HMCN2: variants seen among roughly 807,000 people sequenced by gnomAD.
The protein encoded by HMCN2 is hemicentin 2.
A neutral mutation model predicts 377.5 loss-of-function variants in HMCN2; 325 were observed. The ratio of observed to expected loss-of-function variants is 0.86; its 90% confidence interval spans 0.79 to 0.94. HMCN2 has a LOEUF of 0.94. Among genes scored for constraint, HMCN2 ranks in the 40% least tolerant of loss-of-function variants. The pLI is 0.00. For missense variants in HMCN2, 4,543 were observed against 4,725.3 expected (o/e 0.96, Z 1.13); for synonymous variants, 2,007 against 2,046.8 (o/e 0.98, Z 0.53).
intron 96 of HMCN2, among the ~76,000 whole-genome samples, chr9:130,431,920 GCA>G (rs1483870404): frequency 2.6e-5 from 4 of 152,228 alleles, no homozygotes; most frequent in Non-Finnish European, 4.4e-5. Flanking sequence ...CCCAAACCGG[GCA>G]CAGTTTCCCT....
rs1383412984 is a variant in HMCN2, at chr9:130,296,774, C to T, written c.992C>T (p.Thr331Ile). 1 of 471,242 alleles carries T rather than the reference C, an allele frequency of 2.1e-6. No individual in the cohort carries two copies. Among genetic ancestry groups the T allele is most frequent in the African/African-American group, 2.0e-5 (1 of 50,192 alleles). 29.2% of individuals were successfully genotyped at this position (471,242 alleles called of 1,614,324 possible). A position where few individuals can be genotyped will look rare whatever the true frequency, so the allele number is the denominator to read the frequency against. Residue 331 changes from threonine to isoleucine, a missense_variant, in exon 7 of 98, where the codon ACC (threonine) becomes ATC (isoleucine). Physicochemically the swap from Thr to Ile is moderately conservative, Grantham distance 89. Coordinates refer to ENST00000683500, the MANE Select transcript of HMCN2 (RefSeq NM_001291815.2). The part of the protein sequence containing the change: ...STQPLLDLNH[T>I]LEWPLQGVPI... Reference sequence around the variant, plus strand: ...CAGCCCTTGCTGGACCTCAACCACACCCTCGAGTGGCCCTTGCAAGGTACA... The same window carrying T: ...CAGCCCTTGCTGGACCTCAACCACATCCTCGAGTGGCCCTTGCAAGGTACA...
At chr9:130,331,211 G>A (rs1002453253) in intron 22 of HMCN2, among the ~76,000 whole-genome samples, 25 of 151,354 alleles carry the variant, frequency 1.7e-4, no homozygotes, top group Non-Finnish European at 2.6e-4. Context: ...TCCCATCATC[G>A]CTAAGTCATT....
At chr9:130,280,147 TG>T (rs1470439165) in intron 1 of HMCN2, among the ~76,000 whole-genome samples, 4 of 104,544 alleles carry the variant, frequency 3.8e-5, no homozygotes, top group African/African-American at 9.8e-5. Flanking sequence ...TGTGTGTGTG[TG>T]TGTTTTTTTT....
intron 93 of HMCN2, 25 bp from the exon 94 acceptor site, chr9:130,429,532 C>T: frequency 1.9e-6 from 3 of 1,550,068 alleles, no homozygotes; most frequent in Non-Finnish European, 2.6e-6. Context: ...ACCTCCCCAC[C>T]ACCGACCATG....
At chr9:130,383,267 T>TGG (rs11404994) in intron 56 of HMCN2, among the ~76,000 whole-genome samples, 332 of 151,594 alleles carry the variant, frequency 2.2e-3, no homozygotes, top group Admixed American at 5.8e-3. Context: ...TCCACAGGGG[T>TGG]GGGGGAGGCT....
chr9:130,428,376 G>C lies in HMCN2; in HGVS notation c.14084G>C (p.Trp4695Ser), dbSNP rs764219337. Residue 4695 changes from tryptophan to serine, a missense_variant, in exon 93 of 98, where the codon TGG (tryptophan) becomes TCG (serine). Coordinates refer to ENST00000683500, the MANE Select transcript of HMCN2 (RefSeq NM_001291815.2). This position sits in a 1 kb window ranked among gnomAD's most constrained non-coding sequence, Gnocchi z 5.0. Reference sequence around the variant, plus strand: ...CCCCCAGATGTGGACGAGTGTGCGTGGGATGCTCACCTCTGCCGAGAGGGA... The same window carrying C: ...CCCCCAGATGTGGACGAGTGTGCGTCGGATGCTCACCTCTGCCGAGAGGGA... ...RNCRDVDECA[W>S]DAHLCREGQR... The C allele has an allele frequency of 7.7e-5, 119 of 1,547,704 alleles. 1 individual carries two copies. The Middle Eastern group carries it at 1.3e-3, about 17-fold the overall frequency.
Position 130,358,474 on chromosome 9 carries a change from C to T in HMCN2, c.5665C>T (p.Leu1889=), listed in dbSNP as rs755635831. ...TGGGGAGAGCAAGAGGGAAGTGGCG[C>T]TGAAAGTTTTGGGTGAGGACGTGGG... The part of the protein sequence containing the change: ...LAGESKREVA[L]KVLVPPNIEP... The change falls in exon 36 of 98, where the codon CTG becomes TTG. Residue 1889 remains leucine, a synonymous_variant. Transcript: ENST00000683500. The T allele has an allele frequency of 4.1e-5, 54 of 1,304,222 alleles. No homozygotes were observed. The highest frequency in any genetic ancestry group is 5.2e-5 in the Non-Finnish European group (51 of 988,970). The allele number at this position is 1,304,222 out of a possible 1,614,324, so 80.8% of individuals were successfully genotyped here.
At position 130,278,045 on chromosome 9, in the gene HMCN2, T is replaced by C. The variant is rs1165829848; in HGVS notation, c.260-6558T>C. On this transcript the variant is annotated intron_variant, in intron 1 of 97. Coordinates refer to ENST00000683500, the MANE Select transcript of HMCN2 (RefSeq NM_001291815.2). ...ACCACCACGATCATCACCACCACCA[T>C]CATCATTACCACCACCACCACCACC... Among the ~76,000 whole-genome samples the C allele has an allele frequency of 7.5e-5, 9 of 120,056 alleles. 1 individual carries two copies. The highest frequency in any genetic ancestry group is 2.6e-4 in the East Asian group (1 of 3,812). 78.8% of individuals were successfully genotyped at this position (120,056 alleles called of 152,430 possible).
At position 130,278,006 on chromosome 9, in the gene HMCN2, C is replaced by T. The variant is rs797033382; in HGVS notation, c.260-6597C>T. On this transcript the variant is annotated intron_variant, in intron 1 of 97. Coordinates refer to ENST00000683500, the MANE Select transcript of HMCN2 (RefSeq NM_001291815.2). ...ACCACCACGATCATCACCACCACCA[C>T]CATCATCATCACCACCACCACGATC... Among the ~76,000 whole-genome samples the T allele has an allele frequency of 5.3e-3, 205 of 38,698 alleles. 30 individuals are homozygous for T. The highest frequency in any genetic ancestry group is 0.044 in the African/African-American group (188 of 4,296). The allele number at this position is 38,698 out of a possible 152,430, so 25.4% of individuals were successfully genotyped here. A position where few individuals can be genotyped will look rare whatever the true frequency, so the allele number is the denominator to read the frequency against.
intron 41 of HMCN2, 77 bp downstream of exon 41, chr9:130,364,966 T>C (rs1840614835): frequency 2.3e-5 from 20 of 851,682 alleles, no homozygotes; most frequent in Non-Finnish European, 2.8e-5. Flanking sequence ...GTGCCCCAGC[T>C]CAGTGACCTG....
intron 54 of HMCN2, among the ~76,000 whole-genome samples, chr9:130,380,520 C>T (rs1841652968): frequency 6.6e-6 from 1 of 152,128 alleles, no homozygotes; most frequent in Admixed American, 6.5e-5. Flanking sequence ...GGCGCCGTGG[C>T]TCACACCTGT....
At position 130,351,398 on chromosome 9, in the gene HMCN2, G is replaced by A. The variant is rs74323913; in HGVS notation, c.4431-25G>A. The A allele has an allele frequency of 0.076, 97,606 of 1,290,688 alleles. 4,430 individuals are homozygous for A. Among genetic ancestry groups the A allele is most frequent in the East Asian group, 0.31 (5,410 of 17,588 alleles). 80.0% of individuals were successfully genotyped at this position (1,290,688 alleles called of 1,614,324 possible). On this transcript the variant is annotated intron_variant, in intron 29 of 97. Coordinates refer to ENST00000683500, the MANE Select transcript of HMCN2 (RefSeq NM_001291815.2). This position sits in a 1 kb window ranked among gnomAD's most constrained non-coding sequence, Gnocchi z 5.4. ...CATCCAGCCCCTCGGCCTTACTGGCGCTTTTCCCTTGCCCGTCTCTCCAGG... is the reference window on the plus strand; with the variant it reads ...CATCCAGCCCCTCGGCCTTACTGGCACTTTTCCCTTGCCCGTCTCTCCAGG...
Position 130,391,350 on chromosome 9 carries a change from G to A in HMCN2, c.9814G>A (p.Gly3272Ser), listed in dbSNP as rs1158429564. 5 of 987,576 alleles carry A rather than the reference G, an allele frequency of 5.1e-6. No individual in the cohort carries two copies. The African/African-American group carries it at 8.7e-5, about 17-fold the overall frequency. The allele number at this position is 987,576 out of a possible 1,614,324, so 61.2% of individuals were successfully genotyped here. The change falls in exon 64 of 98, where the codon GGC (glycine) becomes AGC (serine). Residue 3272 changes from glycine (G) to serine (S), a missense_variant. Transcript: ENST00000683500. ...KDGSPLGQDM[G>S]PHLRFYLDGG... ...CGGCAGCCCGCTGGGCCAGGACATGGGCCCCCACCTCCGGTAAGACTTGGC... is the reference window on the plus strand; with the variant it reads ...CGGCAGCCCGCTGGGCCAGGACATGAGCCCCCACCTCCGGTAAGACTTGGC...
At position 130,428,431 on chromosome 9, in the gene HMCN2, C is replaced by T. The variant is rs947060810; in HGVS notation, c.14139C>T (p.Tyr4713=). ...GQRCVNLLGS[Y]RCLPDCGPGF... ...GCTGTGTGAACCTGCTCGGGTCCTA[C>T]CGCTGCCTCCCCGACTGTGGGCCTG... Residue 4713 remains tyrosine (Y), a synonymous_variant, in exon 93 of 98, where the codon TAC becomes TAT. Coordinates refer to ENST00000683500, the MANE Select transcript of HMCN2 (RefSeq NM_001291815.2). This position sits in a 1 kb window ranked among gnomAD's most constrained non-coding sequence, Gnocchi z 5.0. 2 of 1,546,654 alleles carry T rather than the reference C, an allele frequency of 1.3e-6. No homozygotes were observed. The highest frequency in any genetic ancestry group is 1.7e-6 in the Non-Finnish European group (2 of 1,146,938).
rs1288499957 is a variant in HMCN2 at position 130,430,398 on chromosome 9, C to T, written c.14441C>T (p.Ala4814Val). ...PGQTLLRDGK[A>V]CTSLERNGQN... ...CAGACCCTCCTTCGCGACGGCAAGG[C>T]CTGCACCTCACTGGAGCGGAATGGA... is the stretch of plus-strand genomic sequence containing the variant. The change falls in exon 95 of 98, where the codon GCC becomes GTC. Residue 4814 changes from alanine to valine, a missense_variant. Coordinates refer to ENST00000683500, the MANE Select transcript of HMCN2 (RefSeq NM_001291815.2). 5 of 1,550,338 alleles carry T rather than the reference C, an allele frequency of 3.2e-6. No individual in the cohort carries two copies. Among genetic ancestry groups the T allele is most frequent in the Middle Eastern group, 3.3e-4 (2 of 6,014 alleles).
chr9:130,357,582 T>C (rs918570754), intron 34 of HMCN2, among the ~76,000 whole-genome samples: 6 of 152,222 alleles, frequency 3.9e-5, no homozygotes, highest in Middle Eastern at 6.8e-3. Flanking sequence ...AATAAATGCA[T>C]GAATAGATGC....
chr9:130,383,168 A>C (rs911612226), intron 56 of HMCN2, among the ~76,000 whole-genome samples: 12 of 152,080 alleles, frequency 7.9e-5, no homozygotes, highest in Admixed American at 7.8e-4. Flanking sequence ...CGTGCCCAGC[A>C]CTCAGACATC....
Position 130,391,082 on chromosome 9 carries a change from A to G in HMCN2, c.9629A>G (p.Gln3210Arg). Residue 3210 changes from glutamine to arginine, a missense_variant, in exon 63 of 98, where the codon CAG (glutamine) becomes CGG (arginine). Gln to Arg is a conservative substitution (Grantham distance 43, BLOSUM62 1). Transcript: ENST00000683500. ...GTYTCVAENT[Q>R]AEARKDFVVA... is the part of the protein sequence containing the mutation. Reference sequence around the variant, plus strand: ...TACACGTGCGTGGCTGAGAACACCCAGGCTGAGGCCCGCAAGGACTTCGTG... The same window carrying G: ...TACACGTGCGTGGCTGAGAACACCCGGGCTGAGGCCCGCAAGGACTTCGTG... 1 of 987,780 alleles carries G rather than the reference A, an allele frequency of 1.0e-6. No individual in the cohort carries two copies. Among genetic ancestry groups the G allele is most frequent in the Non-Finnish European group, 1.2e-6 (1 of 830,244 alleles). 61.2% of individuals were successfully genotyped at this position (987,780 alleles called of 1,614,324 possible). A position where few individuals can be genotyped will look rare whatever the true frequency, so the allele number is the denominator to read the frequency against.
chr9:130,299,237 G>A lies in HMCN2; in HGVS notation c.1225G>A (p.Gly409Arg), dbSNP rs1836336743. Residue 409 changes from glycine to arginine, a missense_variant, in exon 8 of 98, where the codon GGA becomes AGA. Gly to Arg is a moderately radical substitution (Grantham distance 125, BLOSUM62 -2). Around this residue, in one of 5 missense-constraint regions of HMCN2, gnomAD observed 547 missense variants for 189.9 expected, o/e 2.88. Coordinates refer to ENST00000683500, the MANE Select transcript of HMCN2 (RefSeq NM_001291815.2). ...YLKVKGKDHE[G>R]NPLLRVSGVS... ...CAAGGTGAAGGGCAAGGACCATGAG[G>A]GAAACCCCCTCCTTCGTGTCTCTGG... The A allele has an allele frequency of 4.2e-6, 2 of 470,836 alleles. No homozygotes were observed. Among genetic ancestry groups the A allele is most frequent in the Non-Finnish European group, 8.8e-6 (2 of 226,966 alleles). The allele number at this position is 470,836 out of a possible 1,614,324, so 29.2% of individuals were successfully genotyped here.
Sources: gnomAD v4.1 joint callset for allele counts (sites outside exome capture counted in the v4.1 genomes callset) on GRCh38, gnomAD v4.1.1 for gene constraint, gnomAD v4.1.1 regional missense constraint, Gnocchi (gnomAD v3.1) non-coding constraint, MANE v1.5 for transcripts, NCBI Gene and HGNC (gene_info 2026-07-23, HGNC 2026-07-21) for gene names.